The following COLEC12 variants were observed in gnomAD, a reference collection of about 807,000 sequenced individuals.
The protein encoded by COLEC12 is collectin-12.
A neutral mutation model predicts 71.1 loss-of-function variants in COLEC12; 33 were observed. That is an observed-to-expected ratio of 0.46 (90% confidence interval 0.35 to 0.62). The LOEUF is 0.62. COLEC12 is among the 20% of genes least tolerant of loss of function. The pLI is 0.00. For missense variants in COLEC12, 765 were observed against 916.1 expected (o/e 0.84, Z 2.13); for synonymous variants, 350 against 353.0 (o/e 0.99, Z 0.10).
Position 334,923 on chromosome 18 carries a change from G to A in COLEC12, c.1635C>T (p.Gly545=). ...CAACGGTGCCCTGAAGTCCCTGGAA[G>A]CCAGGAGGGCCCTGAGGGCCGGGGA... ...EGLPGPQGPP[G]FQGLQGTVGE... is the part of the protein sequence containing the mutation. The change falls in exon 6 of 10, where the codon GGC becomes GGT. Residue 545 remains glycine, a synonymous_variant. Transcript: ENST00000400256. 2.6e-6 allele frequency: 4 copies of A among 1,560,012 alleles called. No individual in the cohort carries two copies. The highest frequency in any genetic ancestry group is 3.4e-6 in the Non-Finnish European group (4 of 1,161,312).
At chr18:465,860 G>A (rs1917074593) in intron 2 of COLEC12, among the ~76,000 whole-genome samples, 1 of 152,042 alleles carries the variant, frequency 6.6e-6, no homozygotes, top group Non-Finnish European at 1.5e-5. Context: ...ATCACTTGAG[G>A]TCAGGAATTC....
intron 1 of COLEC12, among the ~76,000 whole-genome samples, chr18:499,019 C>G (rs565282074): frequency 1.3e-5 from 2 of 152,306 alleles, no homozygotes; most frequent in African/African-American, 4.8e-5. Context: ...TTAAAAACCA[C>G]TGGTCTTAAT....
chr18:351,575 A>C (rs980957748), intron 3 of COLEC12, among the ~76,000 whole-genome samples: 1 of 151,970 alleles, frequency 6.6e-6, no homozygotes, highest in African/African-American at 2.4e-5. Context: ...TTATTTATTT[A>C]ATTTTTTATT....
At chr18:485,364 T>C (rs1490586751) in intron 1 of COLEC12, among the ~76,000 whole-genome samples, 1 of 152,208 alleles carries the variant, frequency 6.6e-6, no homozygotes, top group African/African-American at 2.4e-5. Flanking sequence ...CTCTAAGTCC[T>C]GCAGTGGTCA....
At chr18:492,917 T>C (rs1436333695) in intron 1 of COLEC12, among the ~76,000 whole-genome samples, 1 of 152,138 alleles carries the variant, frequency 6.6e-6, no homozygotes, top group South Asian at 2.1e-4. Context: ...ACTTAAGAGA[T>C]TTCAGGTCAG....
chr18:440,406 C>G (rs1916495631), intron 2 of COLEC12, among the ~76,000 whole-genome samples: 1 of 151,682 alleles, frequency 6.6e-6, no homozygotes, highest in African/African-American at 2.4e-5. Context: ...CACACATACA[C>G]AGGTAACTAT....
Position 362,864 on chromosome 18 carries a change from T to C in COLEC12, c.59-5342A>G, listed in dbSNP as rs2143513621. ...ATGTATTTTCCAGTGTCCGAGTCTT[T>C]GTTATACAAAAAAGTGTGGGGGCCC... On this transcript the variant is annotated intron_variant, in intron 2 of 9. Coordinates refer to ENST00000400256, the MANE Select transcript of COLEC12 (RefSeq NM_130386.3). The surrounding 1 kb of genome is among the most constrained non-coding windows in gnomAD (Gnocchi z 4.6). Among the ~76,000 whole-genome samples, 1 of 152,314 alleles carries C rather than the reference T, an allele frequency of 6.6e-6. No homozygotes were observed. The highest frequency in any genetic ancestry group is 1.5e-5 in the Non-Finnish European group (1 of 68,036).
At chr18:472,873 C>T (rs529785639) in intron 2 of COLEC12, among the ~76,000 whole-genome samples, 2 of 151,710 alleles carry the variant, frequency 1.3e-5, no homozygotes, top group East Asian at 3.9e-4. Context: ...GACTGCTGGG[C>T]TTCACAAGGG....
At chr18:352,213 T>C (rs191205318) in intron 3 of COLEC12, among the ~76,000 whole-genome samples, 36 of 152,328 alleles carry the variant, frequency 2.4e-4, no homozygotes, top group East Asian at 3.9e-4. Flanking sequence ...TGCATATGTG[T>C]TTTTAGCAAA....
At position 395,154 on chromosome 18, in the gene COLEC12, G is replaced by A. The variant is rs557469041; in HGVS notation, c.59-37632C>T. Reference sequence around the variant, plus strand: ...AGGTGAATGAAAGCCAAGTGTGGAAGAATGCAGCAGAAATTTAGGACTCAG... The same window carrying A: ...AGGTGAATGAAAGCCAAGTGTGGAAAAATGCAGCAGAAATTTAGGACTCAG... On this transcript the variant is annotated intron_variant, in intron 2 of 9. Coordinates refer to ENST00000400256, the MANE Select transcript of COLEC12 (RefSeq NM_130386.3). 9.2e-4 allele frequency among the ~76,000 whole-genome samples: 140 copies of A among 152,318 alleles called. 1 individual carries two copies. The highest frequency in any genetic ancestry group is 3.1e-4 in the Non-Finnish European group (21 of 68,026).
intron 2 of COLEC12, among the ~76,000 whole-genome samples, chr18:468,261 C>CA (rs5822568): frequency 0.71 from 88,414 of 125,402 alleles, 29,831 homozygotes; most frequent in East Asian, 0.86. Flanking sequence ...GACTCCGTCT[C>CA]AAAAAAAAAA....
intron 2 of COLEC12, among the ~76,000 whole-genome samples, chr18:436,406 T>A (rs1916403940): frequency 6.7e-6 from 1 of 149,772 alleles, no homozygotes; most frequent in African/African-American, 2.5e-5. Flanking sequence ...TCCCAGATGG[T>A]CCGGAGGCTG....
At chr18:490,063 G>A (rs1480271) in intron 1 of COLEC12, among the ~76,000 whole-genome samples, 152,253 of 152,392 alleles carry the variant, frequency 1, 76,057 homozygotes, top group Middle Eastern at 1. Context: ...GGAATGTGGC[G>A]GAAGTGGGAG....
At chr18:494,207 C>T (rs1799973981) in intron 1 of COLEC12, among the ~76,000 whole-genome samples, 1 of 152,176 alleles carries the variant, frequency 6.6e-6, no homozygotes, top group African/African-American at 2.4e-5. Context: ...CTCCTTCTAT[C>T]CCTGAGGTCT....
At chr18:481,245 C>G (rs2143772649) in intron 1 of COLEC12, among the ~76,000 whole-genome samples, 1 of 152,310 alleles carries the variant, frequency 6.6e-6, no homozygotes, top group South Asian at 2.1e-4. Context: ...ATCTCCTTCA[C>G]TAACTGTTGC....
Position 372,821 on chromosome 18 carries a change from C to T in COLEC12, c.59-15299G>A, listed in dbSNP as rs116464211. 1.0e-3 allele frequency among the ~76,000 whole-genome samples: 153 copies of T among 152,314 alleles called. 1 individual carries two copies. The highest frequency in any genetic ancestry group is 3.5e-3 in the African/African-American group (145 of 41,570). ...AACATTCTGCCAAGGGGACATTTAA[C>T]GCTGTGACACAGGAAGTGTCATGAT... On this transcript the variant is annotated intron_variant, in intron 2 of 9. Transcript: ENST00000400256.
chr18:346,227 G>A lies in COLEC12; in HGVS notation c.1327+68C>T. The A allele has an allele frequency of 8.1e-7, 1 of 1,234,714 alleles. No individual in the cohort carries two copies. The highest frequency in any genetic ancestry group is 1.1e-6 in the Non-Finnish European group (1 of 883,418). The allele number at this position is 1,234,714 out of a possible 1,614,324, so 76.5% of individuals were successfully genotyped here. On this transcript the variant is annotated intron_variant, in intron 5 of 9. Coordinates refer to ENST00000400256, the MANE Select transcript of COLEC12 (RefSeq NM_130386.3). The surrounding 1 kb of genome is among the most constrained non-coding windows in gnomAD (Gnocchi z 4.0). ...AATATTTATTGTTTTAAATTGCCAA[G>A]TTTTAGAGTAACTTGTTATGCAGCA...
chr18:341,364 T>G (rs1163722527), intron 5 of COLEC12, among the ~76,000 whole-genome samples: 2 of 152,052 alleles, frequency 1.3e-5, no homozygotes, highest in Non-Finnish European at 2.9e-5. Context: ...CCTTAAAGAG[T>G]TGTAACAATG....
chr18:320,012 GA>G lies in COLEC12; in HGVS notation c.*32del, dbSNP rs571397015. On this transcript the variant is annotated 3_prime_UTR_variant, in exon 10 of 10. Transcript: ENST00000400256. ...GGAGTGTCCTTTGCCTTTGAGAGCT[GA>G]AAATTTGCTCATGTGATCCCATCAC... The G allele has an allele frequency of 9.7e-5, 137 of 1,419,226 alleles. No homozygotes were observed. In the South Asian group the frequency reaches 1.6e-3, roughly 17 times the overall value. The allele number at this position is 1,419,226 out of a possible 1,614,324, so 87.9% of individuals were successfully genotyped here.
Sources: allele counts gnomAD v4.1 joint callset (sites outside exome capture counted in the v4.1 genomes callset), GRCh38; gene constraint gnomAD v4.1.1; non-coding constraint Gnocchi (gnomAD v3.1); transcripts MANE v1.5; gene names NCBI Gene and HGNC (gene_info 2026-07-23, HGNC 2026-07-21).